CES1: variants seen among roughly 807,000 people sequenced by gnomAD.
The protein encoded by CES1 is carboxylesterase 1.
CES1 carries 50 observed loss-of-function variants against 53.0 expected under a neutral mutation model. The ratio of observed to expected loss-of-function variants is 0.94; its 90% confidence interval spans 0.75 to 1.19. The LOEUF (loss-of-function observed/expected upper bound fraction) is 1.19. CES1 is among the 50% of genes most tolerant of loss of function. CES1 has a pLI of 0.00. For synonymous variants in CES1, 202 were observed against 210.1 expected, an observed-to-expected ratio of 0.96 and a Z score of 0.33; for missense variants, 534 against 538.0, an observed-to-expected ratio of 0.99 and a Z score of 0.07.
At chr16:55,811,278 G>A (rs1269806410) in intron 9 of CES1, among the ~76,000 whole-genome samples, 10 of 151,918 alleles carry the variant, frequency 6.6e-5, no homozygotes, top group Non-Finnish European at 1.3e-4. Context: ...GTGTGTGTGC[G>A]CGCGTGTGTG....
At chr16:55,821,579 G>A in intron 4 of CES1, 58 bp from the exon 5 acceptor site, 1 of 1,594,178 alleles carries the variant, frequency 6.3e-7, no homozygotes, top group Non-Finnish European at 8.6e-7. Context: ...AGGACCTTCA[G>A]GACCACAGAT....
chr16:55,832,603 C>T (rs2032726301), intron 1 of CES1, among the ~76,000 whole-genome samples: 1 of 152,334 alleles, frequency 6.6e-6, no homozygotes, highest in South Asian at 2.1e-4. Flanking sequence ...AGCGAGGAAG[C>T]GCCCAGCGGG....
intron 5 of CES1, among the ~76,000 whole-genome samples, chr16:55,821,035 TGA>T (rs1321647965): frequency 2.0e-5 from 3 of 151,356 alleles, no homozygotes; most frequent in Non-Finnish European, 4.4e-5. Flanking sequence ...AGAAGGGATG[TGA>T]GTCCTTATGT....
At chr16:55,813,187 G>A (rs570470067) in intron 8 of CES1, 144 bp from the exon 9 acceptor site, 8 of 1,143,582 alleles carry the variant, frequency 7.0e-6, no homozygotes, top group South Asian at 6.5e-5. Flanking sequence ...CCTAACTTAG[G>A]GGGGTAGGTC....
chr16:55,824,455 A>C (rs142977346), intron 3 of CES1, among the ~76,000 whole-genome samples: 1 of 152,338 alleles, frequency 6.6e-6, no homozygotes, highest in African/African-American at 2.4e-5. Flanking sequence ...CTCGTAACAT[A>C]AACTATGTCC....
At chr16:55,827,277 C>T (rs200514232) in intron 2 of CES1, among the ~76,000 whole-genome samples, 14 of 143,804 alleles carry the variant, frequency 9.7e-5, no homozygotes, top group South Asian at 4.4e-4. Flanking sequence ...AGAGGAATAA[C>T]AATAATAATA....
chr16:55,812,759 T>A, intron 9 of CES1, 144 bp downstream of exon 9: 2 of 1,208,192 alleles, frequency 1.7e-6, no homozygotes. Context: ...TGGAGAAGAT[T>A]TCCGTGGAAA....
At chr16:55,828,640 T>A (rs1395671453) in intron 2 of CES1, 127 bp downstream of exon 2, 1 of 1,054,486 alleles carries the variant, frequency 9.5e-7, no homozygotes, top group East Asian at 2.4e-5. Context: ...AGTTCTGGAA[T>A]GTTCTTAAGG....
chr16:55,815,590 G>A (rs2002577), intron 8 of CES1, among the ~76,000 whole-genome samples: 3 of 151,954 alleles, frequency 2.0e-5, no homozygotes, highest in Non-Finnish European at 4.4e-5. Context: ...ACTCCTCCCC[G>A]TTTCTTACCC....
rs560426140 is a variant in CES1, at chr16:55,819,578, C to G, written c.863G>C (p.Arg288Pro). The G allele has an allele frequency of 2.5e-6, 4 of 1,614,160 alleles. No individual in the cohort carries two copies. The highest frequency in any genetic ancestry group is 2.5e-6 in the Non-Finnish European group (3 of 1,180,030). The part of the protein sequence containing the change: ...TTSAVMVHCL[R>P]QKTEEELLET... ...CAAGAGCTCCTCTTCCGTCTTCTGTCGCAGGCAGTGAACCATGACAGCAGA... is the reference window on the plus strand; with the variant it reads ...CAAGAGCTCCTCTTCCGTCTTCTGTGGCAGGCAGTGAACCATGACAGCAGA... Residue 288 changes from arginine to proline, a missense_variant, in exon 7 of 14, where the codon CGA becomes CCA. Transcript: ENST00000360526.
chr16:55,821,613 C>G (rs1358380862), intron 4 of CES1, 92 bp from the exon 5 acceptor site: 1 of 1,399,500 alleles, frequency 7.1e-7, no homozygotes, highest in Non-Finnish European at 1.0e-6. Flanking sequence ...CTCAGTGAAC[C>G]CTTAAGAATA....
At chr16:55,811,217 AAAAAAC>A (rs1332894203) in intron 9 of CES1, among the ~76,000 whole-genome samples, 30 of 151,414 alleles carry the variant, frequency 2.0e-4, no homozygotes, top group East Asian at 1.2e-3. Context: ...TTACAAAAAA[AAAAAAC>A]AAAAAACAAA....
chr16:55,819,517 C>T lies in CES1; in HGVS notation c.906+18G>A, dbSNP rs538561079. ...GACCAAGTTTACAGGGTTTGGGCTA[C>T]GGGAACAGGCAACCTACCATTTTCA... On this transcript the variant is annotated intron_variant, in intron 7 of 13. Transcript: ENST00000360526. 103 of 1,583,466 alleles carry T rather than the reference C, an allele frequency of 6.5e-5. No homozygotes were observed. Among genetic ancestry groups the T allele is most frequent in the Admixed American group, 1.0e-4 (6 of 59,986 alleles).
chr16:55,812,131 A>G (rs1359602364), intron 9 of CES1, among the ~76,000 whole-genome samples: 4 of 152,234 alleles, frequency 2.6e-5, no homozygotes, highest in Non-Finnish European at 4.4e-5. Context: ...CAATCATATT[A>G]CTGAATAAAT....
intron 3 of CES1, among the ~76,000 whole-genome samples, chr16:55,825,355 T>C (rs2032376940): frequency 6.6e-6 from 1 of 152,154 alleles, no homozygotes; most frequent in South Asian, 2.1e-4. Context: ...ACACCCCTTG[T>C]TTTTTCACCC....
chr16:55,829,069 A>G (rs555679116), intron 1 of CES1, 95 bp from the exon 2 acceptor site: 28 of 1,342,830 alleles, frequency 2.1e-5, no homozygotes, highest in Non-Finnish European at 2.9e-5. Context: ...GTGACCTTAA[A>G]TAAGTCACCT....
chr16:55,830,428 TC>T (rs1412736241), intron 1 of CES1, among the ~76,000 whole-genome samples: 6 of 151,678 alleles, frequency 4.0e-5, no homozygotes, highest in South Asian at 2.1e-4. Context: ...CCTGAAATCC[TC>T]CCCCCCATCT....
At chr16:55,821,662 A>C in intron 4 of CES1, 141 bp from the exon 5 acceptor site, 1 of 888,154 alleles carries the variant, frequency 1.1e-6, no homozygotes, top group East Asian at 2.6e-5. Flanking sequence ...TGCTTTCATT[A>C]GTACAGCATT....
chr16:55,815,604 G>C (rs1386201853), intron 8 of CES1, among the ~76,000 whole-genome samples: 1 of 152,160 alleles, frequency 6.6e-6, no homozygotes, highest in African/African-American at 2.4e-5. Flanking sequence ...CTTACCCCTT[G>C]CATCCTGTCC....
Sources: gnomAD v4.1 joint callset for allele counts (sites outside exome capture counted in the v4.1 genomes callset) on GRCh38, gnomAD v4.1.1 for gene constraint, MANE v1.5 for transcripts, NCBI Gene and HGNC (gene_info 2026-07-23, HGNC 2026-07-21) for gene names.